The following TEP1 variants were observed in gnomAD, a reference collection of about 807,000 sequenced individuals.
TEP1 encodes telomerase associated protein 1, also known as telomerase protein component 1.
A neutral mutation model predicts 306.3 loss-of-function variants in TEP1; 241 were observed. The observed-to-expected ratio is 0.79, with a 90% CI of 0.71 to 0.88. TEP1 has a LOEUF of 0.88. Among genes scored for constraint, TEP1 ranks in the 40% least tolerant of loss-of-function variants. The pLI, the probability that TEP1 is intolerant of heterozygous loss-of-function variation, is 0.00. For synonymous variants in TEP1, 1,289 were observed against 1,305.5 expected (o/e 0.99, Z 0.27); for missense variants, 3,051 against 3,276.1 (o/e 0.93, Z 1.68).
Position 20,395,945 on chromosome 14 carries a change from G to A in TEP1, c.1664C>T (p.Ser555Leu), listed in dbSNP as rs1051144201. 3 of 1,613,962 alleles carry A rather than the reference G, an allele frequency of 1.9e-6. No homozygotes were observed. Among genetic ancestry groups the A allele is most frequent in the African/African-American group, 1.3e-5 (1 of 75,032 alleles). The change falls in exon 11 of 55, where the codon TCG (serine) becomes TTG (leucine). Residue 555 changes from serine (S) to leucine (L), a missense_variant. This residue lies in a region of TEP1 where 1,507 missense variants were observed against 1,550.5 expected (regional missense o/e 0.97). Transcript: ENST00000262715. ...TGGAAACTGCCGACTGTGGATCACC[G>A]ACTTCTAGAAAGCAAAGGAGGGAGG... ...LILQRLQHAK[S>L]VIHSRQFPFR... is the part of the protein sequence containing the mutation.
Position 20,407,930 on chromosome 14 carries a change from G to C in TEP1, c.510C>G (p.Thr170=). The C allele has an allele frequency of 6.2e-7, 1 of 1,613,732 alleles. No individual in the cohort carries two copies. Among genetic ancestry groups the C allele is most frequent in the South Asian group, 1.1e-5 (1 of 91,042 alleles). The change falls in exon 2 of 55, where the codon ACC becomes ACG. Residue 170 remains threonine, a synonymous_variant. Coordinates refer to ENST00000262715, the MANE Select transcript of TEP1 (RefSeq NM_007110.5). Reference sequence around the variant, plus strand: ...AGATGGATTTCAGGGCTATAGGGCAGGTTGAAAGGTCTAGTCCCTTAGAGA... The same window carrying C: ...AGATGGATTTCAGGGCTATAGGGCACGTTGAAAGGTCTAGTCCCTTAGAGA... ...QHFSKGLDLS[T]CPIALKSISA... is the part of the protein sequence containing the mutation.
chr14:20,391,437 T>C (rs1877710538), intron 13 of TEP1, among the ~76,000 whole-genome samples, 162 bp downstream of exon 13: 1 of 152,174 alleles, frequency 6.6e-6, no homozygotes, highest in African/African-American at 2.4e-5. Context: ...ATCCTAGGAA[T>C]TGCCCCTAGG....
rs1237512057 is a variant in TEP1, at chr14:20,401,441, G to C, written c.1391+16C>G. ...ATTACTTAGATGGAATGCATGCTCA[G>C]GGTGCAGCTTCTCACCTGTAACCCA... On this transcript the variant is annotated intron_variant, in intron 8 of 54. Transcript: ENST00000262715. 15 of 1,613,304 alleles carry C rather than the reference G, an allele frequency of 9.3e-6. No individual in the cohort carries two copies. The highest frequency in any genetic ancestry group is 1.2e-5 in the Non-Finnish European group (14 of 1,179,772).
chr14:20,378,702 G>C, intron 37 of TEP1, 52 bp downstream of exon 37: 3 of 1,596,720 alleles, frequency 1.9e-6, no homozygotes, highest in Non-Finnish European at 2.6e-6. Flanking sequence ...AAATTCACGA[G>C]GGTGAGTCAT....
intron 43 of TEP1, among the ~76,000 whole-genome samples, chr14:20,375,096 CAA>C (rs1278388248): frequency 3.3e-4 from 22 of 67,646 alleles, no homozygotes; most frequent in Admixed American, 3.5e-4. Context: ...TGTCTCAAAA[CAA>C]AAAAAAAAAA....
Position 20,381,009 on chromosome 14 carries a change from G to T in TEP1, c.4684C>A (p.Leu1562Ile). 1 of 1,614,118 alleles carries T rather than the reference G, an allele frequency of 6.2e-7. No homozygotes were observed. The highest frequency in any genetic ancestry group is 8.5e-7 in the Non-Finnish European group (1 of 1,180,012). ...GCAGCCACCACATGGAGGTTGGTAA[G>T]GAACTTCGAAAGAAGTCCACGGTTC... ...SGNRGLLSKF[L>I]TNLHVVAAHL... Residue 1562 changes from leucine (L) to isoleucine (I), a missense_variant, in exon 33 of 55, where the codon CTT becomes ATT. Coordinates refer to ENST00000262715, the MANE Select transcript of TEP1 (RefSeq NM_007110.5). This position sits in a 1 kb window ranked among gnomAD's most constrained non-coding sequence, Gnocchi z 4.0.
chr14:20,388,007 T>A lies in TEP1; in HGVS notation c.2582A>T (p.Lys861Ile), dbSNP rs1263728768. ...HLLEHVGQMD[K>I]IFKIPPPPGK... Reference sequence around the variant, plus strand: ...TGGGGGTGGTGGAATCTTGAATATTTTGTCCATTTGGCCCACATGTTCCAG... The same window carrying A: ...TGGGGGTGGTGGAATCTTGAATATTATGTCCATTTGGCCCACATGTTCCAG... Residue 861 changes from lysine to isoleucine, a missense_variant, in exon 18 of 55, where the codon AAA becomes ATA. Lys to Ile is a moderately radical substitution (Grantham distance 102). Around this residue, in one of 3 missense-constraint regions of TEP1, gnomAD observed 1,507 missense variants for 1,550.5 expected, o/e 0.97. Coordinates refer to ENST00000262715, the MANE Select transcript of TEP1 (RefSeq NM_007110.5). The A allele has an allele frequency of 5.6e-6, 9 of 1,614,186 alleles. No individual in the cohort carries two copies. Among genetic ancestry groups the A allele is most frequent in the Non-Finnish European group, 7.6e-6 (9 of 1,180,026 alleles).
intron 27 of TEP1, 103 bp from the exon 28 acceptor site, chr14:20,382,818 TC>T: frequency 1.9e-6 from 2 of 1,049,312 alleles, no homozygotes; most frequent in Non-Finnish European, 1.5e-6. Context: ...CCTCTGAGAG[TC>T]CCCAGCAGAC....
At chr14:20,395,244 CAGG>C (rs963900666) in intron 12 of TEP1, among the ~76,000 whole-genome samples, 1 of 152,120 alleles carries the variant, frequency 6.6e-6, no homozygotes, top group African/African-American at 2.4e-5. Context: ...AGTGGAGGTC[CAGG>C]AGTAGACTTT....
In TEP1 at chr14:20,380,911, C is replaced by T. The variant is rs752319692; in HGVS notation, c.4762+20G>A. The T allele has an allele frequency of 3.7e-6, 6 of 1,602,246 alleles. No homozygotes were observed. In the African/African-American group the frequency reaches 8.0e-5, roughly 21 times the overall value. ...GAGTCCCATATCTCAGAGAAGAACC[C>T]AGCCAGTGACTCATCTCACCATAGA... On this transcript the variant is annotated intron_variant, in intron 33 of 54. Transcript: ENST00000262715.
chr14:20,369,406 C>G lies in TEP1; in HGVS notation c.7594G>C (p.Asp2532His), dbSNP rs200220209. ...STCRESDASM[D>H]SDASMDSEPT... is the part of the protein sequence containing the mutation. The stretch of plus-strand genomic sequence containing the variant: ...TCACTATCCATGCTGGCATCACTAT[C>G]CATGCTGGCATCAGATTCCCTGCAG... Residue 2532 changes from aspartate to histidine, a missense_variant, in exon 53 of 55, where the codon GAT becomes CAT. Around this residue, in one of 3 missense-constraint regions of TEP1, gnomAD observed 1,540 missense variants for 1,705.9 expected, o/e 0.90. Transcript: ENST00000262715. 1.1e-4 allele frequency: 172 copies of G among 1,614,202 alleles called. No homozygotes were observed. The highest frequency in any genetic ancestry group is 1.4e-4 in the Non-Finnish European group (164 of 1,180,030).
rs935888128 is a variant in TEP1, at chr14:20,368,260, ATCC to A, written c.*174_*176del. The A allele has an allele frequency of 1.5e-5, 9 of 600,182 alleles. No homozygotes were observed. Among genetic ancestry groups the A allele is most frequent in the Non-Finnish European group, 2.5e-5 (9 of 364,212 alleles). The allele number at this position is 600,182 out of a possible 1,614,324, so 37.2% of individuals were successfully genotyped here. A position where few individuals can be genotyped will look rare whatever the true frequency, so the allele number is the denominator to read the frequency against. ...ATGTACATATACATACACATAGAAT[ATCC>A]TCCTGTTCTAAATCCACATGAGAAC... On this transcript the variant is annotated 3_prime_UTR_variant, in exon 55 of 55. Coordinates refer to ENST00000262715, the MANE Select transcript of TEP1 (RefSeq NM_007110.5).
rs1884618924 is a variant in TEP1, at chr14:20,368,663, A to G, written c.7762-104T>C. On this transcript the variant is annotated intron_variant, in intron 54 of 54. Transcript: ENST00000262715. ...TTATTTAGAAACAGGTTAGTCATAC[A>G]TTGCAAGTGATTGAAGAAAACAGAA... 2.6e-6 allele frequency: 4 copies of G among 1,548,938 alleles called. No individual in the cohort carries two copies. In the South Asian group the frequency reaches 3.4e-5, roughly 13 times the overall value.
chr14:20,408,722 CTT>C (rs1218657881), intron 1 of TEP1, among the ~76,000 whole-genome samples: 1 of 152,052 alleles, frequency 6.6e-6, no homozygotes. Context: ...AATCCCAACA[CTT>C]TGGGAGCTGA....
chr14:20,378,882 T>C, intron 36 of TEP1, 29 bp from the exon 37 acceptor site: 2 of 1,613,994 alleles, frequency 1.2e-6, no homozygotes, highest in Non-Finnish European at 1.7e-6. Context: ...GTCAGTCCTC[T>C]GGACCCTGGC....
At chr14:20,402,867 G>A (rs1878863209) in intron 7 of TEP1, among the ~76,000 whole-genome samples, 1 of 152,120 alleles carries the variant, frequency 6.6e-6, no homozygotes, top group South Asian at 2.1e-4. Flanking sequence ...CGGCAGTAAA[G>A]TACAATACCA....
At chr14:20,389,784 A>T (rs2139106282) in intron 15 of TEP1, 44 bp from the exon 16 acceptor site, 1 of 1,608,274 alleles carries the variant, frequency 6.2e-7, no homozygotes, top group East Asian at 2.2e-5. Flanking sequence ...GGGATGCTAG[A>T]CAGCCCAGGA....
Position 20,395,900 on chromosome 14 carries a change from T to A in TEP1, c.1709A>T (p.His570Leu). The change falls in exon 11 of 55, where the codon CAT (histidine) becomes CTT (leucine). Residue 570 changes from histidine to leucine, a missense_variant. Transcript: ENST00000262715. ...AGCCTCGAGGGCATCAATGGCATCA[T>A]GGGCGTTAAGAAATCTGAATGGAAA... is the stretch of plus-strand genomic sequence containing the variant. ...RQFPFRFLNA[H>L]DAIDALEAQL... 3 of 1,614,078 alleles carry A rather than the reference T, an allele frequency of 1.9e-6. No individual in the cohort carries two copies. The highest frequency in any genetic ancestry group is 2.5e-6 in the Non-Finnish European group (3 of 1,180,012).
At chr14:20,371,833 G>T (rs970973614) in intron 49 of TEP1, among the ~76,000 whole-genome samples, 3 of 152,002 alleles carry the variant, frequency 2.0e-5, no homozygotes, top group African/African-American at 7.3e-5. Context: ...CTCAAACTAG[G>T]AATCTCTAAC....
Sources: allele counts gnomAD v4.1 joint callset (sites outside exome capture counted in the v4.1 genomes callset), GRCh38; gene constraint gnomAD v4.1.1; regional missense constraint gnomAD v4.1.1; non-coding constraint Gnocchi (gnomAD v3.1); transcripts MANE v1.5; gene names NCBI Gene and HGNC (gene_info 2026-07-23, HGNC 2026-07-21).